The following CYP4Z1 variants were observed in gnomAD, a reference collection of about 807,000 sequenced individuals.
CYP4Z1 encodes cytochrome P450 family 4 subfamily Z member 1.
A neutral mutation model predicts 54.2 loss-of-function variants in CYP4Z1; 41 were observed. That is an observed-to-expected ratio of 0.76 (90% CI 0.59 to 0.98). The LOEUF (loss-of-function observed/expected upper bound fraction) is 0.98, where lower values mean the gene tolerates loss of function less well. CYP4Z1 is among the 50% of genes least tolerant of loss of function. The pLI, the probability that CYP4Z1 is intolerant of heterozygous loss-of-function variation, is 0.00. For synonymous variants in CYP4Z1, 163 were observed against 206.2 expected (o/e 0.79, Z 1.79); for missense variants, 513 against 599.0 (o/e 0.86, Z 1.50).
At chr1:47,058,946 T>C in the CYP4Z1 span, among the ~76,000 whole-genome samples, 1 of 152,174 alleles carries the variant, frequency 6.6e-6, no homozygotes, top group African/African-American at 2.4e-5. Flanking sequence ...TTCTAATTTT[T>C]GTAGTTATTT....
intron 2 of CYP4Z1, among the ~76,000 whole-genome samples, chr1:47,079,871 GA>G: frequency 1.5e-5 from 1 of 65,750 alleles, no homozygotes; most frequent in African/African-American, 7.1e-5. Context: ...GACAGAGGGA[GA>G]GAGAGAGAGA....
chr1:47,084,755 A>G lies in CYP4Z1; in HGVS notation c.617+11A>G, dbSNP rs1644579480. 1.2e-6 allele frequency: 2 copies of G among 1,613,438 alleles called. No individual in the cohort carries two copies. The highest frequency in any genetic ancestry group is 1.7e-6 in the Non-Finnish European group (2 of 1,179,836). On this transcript the variant is annotated intron_variant, in intron 5 of 11. Transcript: ENST00000334194. The stretch of plus-strand genomic sequence containing the variant: ...CATCCAGTTGGACAGGTCAGTGACA[A>G]AAGGAAGGTAATTGTTTGCCAATAA...
chr1:47,100,461 A>T (rs144393890), intron 8 of CYP4Z1, among the ~76,000 whole-genome samples: 21 of 152,310 alleles, frequency 1.4e-4, no homozygotes, highest in Non-Finnish European at 2.5e-4. Flanking sequence ...ATCTCCTGCC[A>T]TCTCCCTCTG....
intron 9 of CYP4Z1, among the ~76,000 whole-genome samples, chr1:47,113,090 T>TTAG (rs1644804814): frequency 6.6e-6 from 1 of 152,014 alleles, no homozygotes; most frequent in African/African-American, 2.4e-5. Context: ...TAGCATGACC[T>TTAG]CTTTCCCATT....
chr1:47,069,238 C>T, intron 2 of CYP4Z1, among the ~76,000 whole-genome samples: 1 of 152,240 alleles, frequency 6.6e-6, no homozygotes, highest in Non-Finnish European at 1.5e-5. Flanking sequence ...TCCATCTGGT[C>T]CCTAGTGTGG....
At chr1:47,094,992 A>T (rs1226686677) in intron 7 of CYP4Z1, among the ~76,000 whole-genome samples, 2 of 151,916 alleles carry the variant, frequency 1.3e-5, no homozygotes, top group African/African-American at 4.9e-5. Context: ...AATTAAAATA[A>T]CAAATAAATA....
At chr1:47,116,891 C>T (rs778130836) in intron 11 of CYP4Z1, among the ~76,000 whole-genome samples, 159 bp downstream of exon 11, 3 of 152,126 alleles carry the variant, frequency 2.0e-5, no homozygotes, top group Non-Finnish European at 4.4e-5. Context: ...AGTTGGTACC[C>T]TTTTGAGCCC....
At chr1:47,065,117 C>T (rs369912419), upstream of CYP4Z1, among the ~76,000 whole-genome samples, 3 of 151,968 alleles carry the variant, frequency 2.0e-5, no homozygotes, top group South Asian at 2.1e-4. Context: ...AGCACTAGAC[C>T]GGTCATCAAG....
At chr1:47,058,815 C>G in the CYP4Z1 span, among the ~76,000 whole-genome samples, 4 of 152,106 alleles carry the variant, frequency 2.6e-5, no homozygotes, top group Non-Finnish European at 5.9e-5. Context: ...TAGACTAGCA[C>G]TCTTTACCTC....
chr1:47,111,463 G>C (rs909211903), intron 9 of CYP4Z1, among the ~76,000 whole-genome samples: 10 of 152,152 alleles, frequency 6.6e-5, no homozygotes, highest in African/African-American at 2.4e-4. Flanking sequence ...GACTACAGGG[G>C]TGAGCCACTG....
the CYP4Z1 span, among the ~76,000 whole-genome samples, chr1:47,060,468 G>T: frequency 6.7e-6 from 1 of 149,574 alleles, no homozygotes; most frequent in South Asian, 2.2e-4. Flanking sequence ...GATAAAGAAG[G>T]GCATTACATC....
At chr1:47,091,139 C>T (rs1644635829) in intron 6 of CYP4Z1, among the ~76,000 whole-genome samples, 1 of 135,240 alleles carries the variant, frequency 7.4e-6, no homozygotes, top group South Asian at 2.4e-4. Flanking sequence ...GTTTGCCATC[C>T]TGACTGTAAC....
At chr1:47,064,436 AT>A (rs779200446), upstream of CYP4Z1, among the ~76,000 whole-genome samples, 1 of 152,264 alleles carries the variant, frequency 6.6e-6, no homozygotes, top group East Asian at 1.9e-4. Context: ...AGAATTTTGT[AT>A]CCAGTGAAAC....
intron 6 of CYP4Z1, among the ~76,000 whole-genome samples, chr1:47,086,835 T>A (rs1312019660): frequency 6.6e-6 from 1 of 152,220 alleles, no homozygotes; most frequent in Non-Finnish European, 1.5e-5. Flanking sequence ...ATGTCTAACA[T>A]TTAAATCTTT....
At chr1:47,067,028 G>A (rs1482899601), upstream of CYP4Z1, among the ~76,000 whole-genome samples, 1 of 152,110 alleles carries the variant, frequency 6.6e-6, no homozygotes, top group Non-Finnish European at 1.5e-5. Flanking sequence ...GTGATATATG[G>A]GAACTCCCTG....
At position 47,084,840 on chromosome 1, in the gene CYP4Z1, C is replaced by T; in HGVS notation, c.634C>T (p.Leu212=). The change falls in exon 6 of 12, where the codon CTG becomes TTG. Residue 212 remains leucine (L), a synonymous_variant. Transcript: ENST00000334194. ...CTATTCCAGTACCCTGGACTCATAC[C>T]TGAAAGCAGTGTTCAACCTTAGCAA... ...IQLDSTLDSY[L]KAVFNLSKIS... The T allele has an allele frequency of 6.6e-7, 1 of 1,520,054 alleles. No homozygotes were observed. Among genetic ancestry groups the T allele is most frequent in the Non-Finnish European group, 8.8e-7 (1 of 1,137,024 alleles). The allele number at this position is 1,520,054 out of a possible 1,614,324, so 94.2% of individuals were successfully genotyped here.
At position 47,091,762 on chromosome 1, in the gene CYP4Z1, T is replaced by C. The variant is rs1644639489; in HGVS notation, c.773-2804T>C. 2.0e-5 allele frequency among the ~76,000 whole-genome samples: 3 copies of C among 149,940 alleles called. 1 individual carries two copies. In the Admixed American group the frequency reaches 2.0e-4, roughly 10 times the overall value. ...CCTAGGGTTAACCTGGAGGCTTTTT[T>C]TTGCTAGTAGAGCTGTTATGACGAT... On this transcript the variant is annotated intron_variant, in intron 6 of 11. Transcript: ENST00000334194.
At chr1:47,102,136 G>A (rs1307554319) in intron 8 of CYP4Z1, among the ~76,000 whole-genome samples, 1 of 152,030 alleles carries the variant, frequency 6.6e-6, no homozygotes, top group African/African-American at 2.4e-5. Flanking sequence ...CAGTCTATAT[G>A]TGTCTTTACA....
At chr1:47,076,672 C>T (rs1337891492) in intron 2 of CYP4Z1, among the ~76,000 whole-genome samples, 5 of 150,818 alleles carry the variant, frequency 3.3e-5, no homozygotes, top group Admixed American at 2.6e-4. Flanking sequence ...AGTGAAACCC[C>T]GTCTCTACTA....
Sources: allele counts gnomAD v4.1 joint callset (sites outside exome capture counted in the v4.1 genomes callset), GRCh38; gene constraint gnomAD v4.1.1; transcripts MANE v1.5; gene names NCBI Gene and HGNC (gene_info 2026-07-23, HGNC 2026-07-21).